The following NPRL3 variants were observed in gnomAD, a reference collection of about 807,000 sequenced individuals.
The protein encoded by NPRL3 is GATOR1 complex protein NPRL3.
Under a neutral mutation model 57.2 loss-of-function variants are expected in NPRL3, and 23 were observed. That is an observed-to-expected ratio of 0.40 (90% CI 0.29 to 0.57). The LOEUF (loss-of-function observed/expected upper bound fraction) is 0.57. Among genes scored for constraint, NPRL3 ranks in the 20% least tolerant of loss-of-function variants. The probability of loss-of-function intolerance (pLI) is 0.42; values close to 1 mark genes in which losing one functional copy is unlikely to be tolerated. For synonymous variants in NPRL3, 333 were observed against 321.1 expected, an observed-to-expected ratio of 1.04 and a Z score of -0.39; for missense variants, 691 against 767.1, an observed-to-expected ratio of 0.90 and a Z score of 1.17.
At chr16:104,312 G>A (rs887730032) in intron 7 of NPRL3, among the ~76,000 whole-genome samples, 13 of 151,818 alleles carry the variant, frequency 8.6e-5, no homozygotes, top group East Asian at 3.9e-4. Flanking sequence ...TGAAATTAAC[G>A]TTTAAAAAAA....
rs1395528916 is a variant in NPRL3, at chr16:137,283, T to C, written c.118+867A>G. On this transcript the variant is annotated intron_variant, in intron 2 of 13. Coordinates refer to ENST00000611875, the MANE Select transcript of NPRL3 (RefSeq NM_001077350.3). ...TGATGATGAAAAATCAAAAGTAACC[T>C]ACATGCCGTCCACAGGGGAAGGCAG... Among the ~76,000 whole-genome samples, 7 of 152,100 alleles carry C rather than the reference T, an allele frequency of 4.6e-5. No individual in the cohort carries two copies. In the East Asian group the frequency reaches 1.3e-3, roughly 29 times the overall value.
Position 132,819 on chromosome 16 carries a change from G to A in NPRL3, c.119-2228C>T, listed in dbSNP as rs186527662. Among the ~76,000 whole-genome samples, 503 of 152,156 alleles carry A rather than the reference G, an allele frequency of 3.3e-3. 6 individuals are homozygous for A. Among genetic ancestry groups the A allele is most frequent in the African/African-American group, 0.011 (474 of 41,530 alleles). On this transcript the variant is annotated intron_variant, in intron 2 of 13. Transcript: ENST00000611875. ...CAAGTAGCTGGGACTACAGGCGCCC[G>A]CCACTATGCCCGGCTAATTTTTTGT...
chr16:103,066 C>T lies in NPRL3; in HGVS notation c.630-2557G>A, dbSNP rs1451294386. Among the ~76,000 whole-genome samples the T allele has an allele frequency of 3.3e-5, 5 of 152,030 alleles. No individual in the cohort carries two copies. In the South Asian group the frequency reaches 1.0e-3, roughly 32 times the overall value. On this transcript the variant is annotated intron_variant, in intron 7 of 13. Transcript: ENST00000611875. The stretch of plus-strand genomic sequence containing the variant: ...TCCGTATGCGACAGGGAAGAAAGGG[C>T]AAGCGAGAGGTGGCCCCATGCACTG...
At chr16:91,929 G>A (rs963111800) in intron 11 of NPRL3, among the ~76,000 whole-genome samples, 2 of 152,192 alleles carry the variant, frequency 1.3e-5, no homozygotes, top group Non-Finnish European at 2.9e-5. Context: ...GACACCTGCA[G>A]CCCACAGGGG....
intron 3 of NPRL3, chr16:123,361 G>A (rs1277562648): frequency 2.6e-6 from 1 of 384,210 alleles, no homozygotes. Flanking sequence ...GGGCATTCAT[G>A]GGGGAACTGG....
In NPRL3 at chr16:121,724, C is replaced by T. The variant is rs192133729; in HGVS notation, c.189-2469G>A. Among the ~76,000 whole-genome samples the T allele has an allele frequency of 2.0e-3, 298 of 152,236 alleles. 4 individuals are homozygous for T. The Middle Eastern group carries it at 0.02, about 10-fold the overall frequency. On this transcript the variant is annotated intron_variant, in intron 3 of 13. Transcript: ENST00000611875. ...TGTTTATCTGAGCAAATCTGGCCCA[C>T]AGAGAAATCTACTCCCCACACCTTA... is the stretch of plus-strand genomic sequence containing the variant.
Position 85,521 on chromosome 16 carries a change from T to C in NPRL3, c.*1184A>G. On this transcript the variant is annotated 3_prime_UTR_variant, in exon 14 of 14. Coordinates refer to ENST00000611875, the MANE Select transcript of NPRL3 (RefSeq NM_001077350.3). ...AGCCGTGTCCTCAAGGACCGCGAGC[T>C]CTGCAGTGGCCCCTCCAAGCTGTGC... The C allele has an allele frequency of 6.2e-7, 1 of 1,613,376 alleles. No individual in the cohort carries two copies. Among genetic ancestry groups the C allele is most frequent in the South Asian group, 1.1e-5 (1 of 91,084 alleles).
intron 2 of NPRL3, among the ~76,000 whole-genome samples, chr16:131,606 A>AAAAC (rs1900803648): frequency 6.6e-6 from 1 of 151,258 alleles, no homozygotes. Context: ...TCAAAAAAAA[A>AAAAC]AAAAAAAAAA....
At chr16:137,356 G>A (rs996514811) in intron 2 of NPRL3, among the ~76,000 whole-genome samples, 8 of 152,182 alleles carry the variant, frequency 5.3e-5, no homozygotes, top group African/African-American at 1.9e-4. Context: ...AAAGGCAGAC[G>A]GAGCTCCAAG....
At chr16:87,042 T>C (rs912929814) in intron 13 of NPRL3, among the ~76,000 whole-genome samples, 172 bp from the exon 14 acceptor site, 1 of 152,186 alleles carries the variant, frequency 6.6e-6, no homozygotes, top group Non-Finnish European at 1.5e-5. Flanking sequence ...GCAGGCCTCC[T>C]GGACCCCATG....
intron 4 of NPRL3, among the ~76,000 whole-genome samples, chr16:117,639 A>G (rs1257892296): frequency 6.6e-6 from 1 of 152,140 alleles, no homozygotes; most frequent in Non-Finnish European, 1.5e-5. Flanking sequence ...CGAGATGGAG[A>G]GGGGCATAAA....
intron 3 of NPRL3, among the ~76,000 whole-genome samples, chr16:122,866 C>T (rs1433305691): frequency 6.6e-6 from 1 of 152,168 alleles, no homozygotes; most frequent in Non-Finnish European, 1.5e-5. Flanking sequence ...CTGCTCGCCC[C>T]ACCCACCTCC....
intron 3 of NPRL3, 40 bp from the exon 4 acceptor site, chr16:119,295 A>G: frequency 1.3e-6 from 2 of 1,562,844 alleles, no homozygotes; most frequent in Non-Finnish European, 1.7e-6. Context: ...TAAGTTAACA[A>G]AATACCACAG....
At chr16:129,901 T>G (rs2141980332) in intron 3 of NPRL3, among the ~76,000 whole-genome samples, 1 of 152,274 alleles carries the variant, frequency 6.6e-6, no homozygotes, top group African/African-American at 2.4e-5. Flanking sequence ...GGGCCTATGT[T>G]ACCATTTACT....
chr16:119,039 G>A, intron 4 of NPRL3, 87 bp downstream of exon 4: 1 of 1,554,382 alleles, frequency 6.4e-7, no homozygotes, highest in Non-Finnish European at 8.7e-7. Context: ...CCCAAGGAGA[G>A]CCACACCTGC....
chr16:126,549 A>G (rs138417455), intron 3 of NPRL3, among the ~76,000 whole-genome samples: 27 of 152,304 alleles, frequency 1.8e-4, no homozygotes, highest in African/African-American at 5.3e-4. Context: ...TAGTGGCCTA[A>G]GCACTGCTCG....
intron 2 of NPRL3, among the ~76,000 whole-genome samples, chr16:136,881 G>A (rs1026203231): frequency 4.0e-5 from 6 of 151,598 alleles, no homozygotes; most frequent in Non-Finnish European, 7.4e-5. Context: ...ATATCAACAA[G>A]TTTAAAAATA....
At chr16:93,412 C>G in intron 9 of NPRL3, 87 bp from the exon 10 acceptor site, 2 of 833,860 alleles carry the variant, frequency 2.4e-6, no homozygotes, top group Non-Finnish European at 4.0e-6. Context: ...GTGGCCATGG[C>G]CTACCAGCCT....
At chr16:133,672 ACTTCCCATTTC>A (rs1391223314) in intron 2 of NPRL3, among the ~76,000 whole-genome samples, 1 of 152,194 alleles carries the variant, frequency 6.6e-6, no homozygotes, top group Non-Finnish European at 1.5e-5. Flanking sequence ...TTGGAGTAAC[ACTTCCCATTTC>A]CTTCAAGAGC....
Sources: allele counts gnomAD v4.1 joint callset (sites outside exome capture counted in the v4.1 genomes callset), GRCh38; gene constraint gnomAD v4.1.1; transcripts MANE v1.5; gene names NCBI Gene and HGNC (gene_info 2026-07-23, HGNC 2026-07-21).